Variants in CHST9 observed in about 807,000 individuals in gnomAD.
CHST9 encodes the protein carbohydrate sulfotransferase 9.
CHST9 carries 41 observed loss-of-function variants against 44.4 expected under a neutral mutation model. The ratio of observed to expected loss-of-function variants is 0.92; its 90% CI spans 0.72 to 1.20. CHST9 has a LOEUF of 1.20. CHST9 is among the 50% of genes most tolerant of loss of function. The pLI, the probability that CHST9 is intolerant of heterozygous loss-of-function variation, is 0.00. For synonymous variants in CHST9, 171 were observed against 178.4 expected (o/e 0.96, Z 0.33); for missense variants, 504 against 516.5 (o/e 0.98, Z 0.23).
At position 27,075,051 on chromosome 18, in the gene CHST9, G is replaced by C. The variant is rs2057887582; in HGVS notation, c.122-26548C>G. 4.0e-5 allele frequency among the ~76,000 whole-genome samples: 6 copies of C among 150,832 alleles called. No homozygotes were observed. In the South Asian group the frequency reaches 1.3e-3, roughly 31 times the overall value. The stretch of plus-strand genomic sequence containing the variant: ...TAAAAGCTAGGAAATAGAGACTGTA[G>C]ATCACTGATAAAGAAAAATGAAACA... On this transcript the variant is annotated intron_variant, in intron 2 of 5. Coordinates refer to ENST00000618847, the MANE Select transcript of CHST9 (RefSeq NM_031422.6).
intron 4 of CHST9, among the ~76,000 whole-genome samples, chr18:26,998,739 CAAAAAAAA>C (rs11480705): frequency 2.6e-5 from 3 of 114,132 alleles, no homozygotes; most frequent in African/African-American, 9.4e-5. Flanking sequence ...ACAACAACAA[CAAAAAAAA>C]AAAAAAAAGA....
At chr18:27,076,503 G>A (rs1386135675) in intron 2 of CHST9, among the ~76,000 whole-genome samples, 1 of 152,122 alleles carries the variant, frequency 6.6e-6, no homozygotes, top group African/African-American at 2.4e-5. Flanking sequence ...ATAGGTGTGG[G>A]CCAGTGTGGC....
At chr18:27,103,263 G>A (rs1378016432) in intron 2 of CHST9, among the ~76,000 whole-genome samples, 1 of 152,170 alleles carries the variant, frequency 6.6e-6, no homozygotes, top group East Asian at 1.9e-4. Flanking sequence ...CATTGTCTCA[G>A]GATGATTCCA....
intron 2 of CHST9, among the ~76,000 whole-genome samples, chr18:27,137,336 GTGTGTGTGTGTGT>G: frequency 7.0e-6 from 1 of 143,084 alleles, no homozygotes; most frequent in East Asian, 1.9e-4. Flanking sequence ...GTGTGTGTGT[GTGTGTGTGTGTGT>G]GTGTGTATAG....
intron 3 of CHST9, among the ~76,000 whole-genome samples, chr18:27,035,335 C>T (rs571144555): frequency 1.3e-5 from 2 of 152,118 alleles, no homozygotes; most frequent in Non-Finnish European, 2.9e-5. Context: ...GGTCTTTGTC[C>T]ATTTTTAAAT....
At chr18:27,016,716 A>G (rs2057158855) in intron 4 of CHST9, among the ~76,000 whole-genome samples, 1 of 152,208 alleles carries the variant, frequency 6.6e-6, no homozygotes, top group Non-Finnish European at 1.5e-5. Context: ...GGTGATGAGG[A>G]TGTTTTATAT....
At chr18:27,037,083 T>C (rs1056969299) in intron 3 of CHST9, among the ~76,000 whole-genome samples, 22 of 152,180 alleles carry the variant, frequency 1.4e-4, no homozygotes, top group Admixed American at 5.2e-4. Context: ...TGAGTATTGA[T>C]TATTGTGTCA....
At chr18:27,119,274 A>T (rs1340177981) in intron 2 of CHST9, among the ~76,000 whole-genome samples, 1 of 152,202 alleles carries the variant, frequency 6.6e-6, no homozygotes, top group Non-Finnish European at 1.5e-5. Flanking sequence ...AAACAAATGC[A>T]AAGGGCTTTT....
intron 1 of CHST9, among the ~76,000 whole-genome samples, chr18:27,181,834 G>A (rs1439759283): frequency 6.6e-6 from 1 of 152,044 alleles, no homozygotes; most frequent in African/African-American, 2.4e-5. Context: ...ATCTTTCTTT[G>A]AATTACATAT....
chr18:27,003,454 T>C (rs2056976472), intron 4 of CHST9, among the ~76,000 whole-genome samples: 1 of 152,184 alleles, frequency 6.6e-6, no homozygotes, highest in South Asian at 2.1e-4. Flanking sequence ...GATGAAATAA[T>C]GGGCATGGAC....
intron 2 of CHST9, among the ~76,000 whole-genome samples, chr18:27,126,806 G>C (rs763747695): frequency 6.6e-6 from 1 of 152,126 alleles, no homozygotes; most frequent in Admixed American, 6.6e-5. Context: ...GCAAGGTCAC[G>C]GGATGGGGAG....
At chr18:26,969,689 G>A (rs2056516796) in intron 4 of CHST9, among the ~76,000 whole-genome samples, 4 of 152,132 alleles carry the variant, frequency 2.6e-5, no homozygotes. Context: ...GTGCCATGAA[G>A]TGAAATGAAG....
chr18:27,044,205 T>C (rs965098041), intron 3 of CHST9, among the ~76,000 whole-genome samples: 1 of 152,098 alleles, frequency 6.6e-6, no homozygotes, highest in African/African-American at 2.4e-5. Flanking sequence ...TCACACCATG[T>C]TGTAATCATG....
chr18:26,952,048 G>A (rs335920), intron 4 of CHST9, among the ~76,000 whole-genome samples: 68,929 of 152,082 alleles, frequency 0.45, 16,052 homozygotes, highest in African/African-American at 0.52. Context: ...AATTAGGCAA[G>A]GACATTAGTG....
At chr18:26,973,315 T>G (rs1245622501) in intron 4 of CHST9, among the ~76,000 whole-genome samples, 1 of 152,112 alleles carries the variant, frequency 6.6e-6, no homozygotes, top group Non-Finnish European at 1.5e-5. Context: ...TCTAGAGTGG[T>G]ACCTGGCAGA....
chr18:27,157,095 T>C (rs1000548600), intron 1 of CHST9, among the ~76,000 whole-genome samples: 5 of 152,122 alleles, frequency 3.3e-5, no homozygotes, highest in Admixed American at 6.5e-5. Context: ...AAAATCCTTG[T>C]AGAAGTATTG....
At chr18:27,102,533 T>C (rs2058183830) in intron 2 of CHST9, among the ~76,000 whole-genome samples, 1 of 152,264 alleles carries the variant, frequency 6.6e-6, no homozygotes, top group Non-Finnish European at 1.5e-5. Context: ...AATTTTTCTA[T>C]GCACATGTAG....
intron 2 of CHST9, among the ~76,000 whole-genome samples, chr18:27,110,171 C>T (rs551746594): frequency 2.5e-4 from 38 of 150,426 alleles, no homozygotes; most frequent in African/African-American, 8.8e-4. Context: ...ATTCCTGCCA[C>T]TTGAAAAAAG....
chr18:27,162,810 G>C (rs1398789065), intron 1 of CHST9, among the ~76,000 whole-genome samples: 3 of 152,122 alleles, frequency 2.0e-5, no homozygotes, highest in Non-Finnish European at 4.4e-5. Context: ...CTTCTCTCAA[G>C]TCGTCAAAGT....
Sources: gnomAD v4.1 joint callset for allele counts (sites outside exome capture counted in the v4.1 genomes callset) on GRCh38, gnomAD v4.1.1 for gene constraint, MANE v1.5 for transcripts, NCBI Gene and HGNC (gene_info 2026-07-23, HGNC 2026-07-21) for gene names.